The following GLI3 variants were observed in gnomAD, a reference collection of about 807,000 sequenced individuals.
The protein encoded by GLI3 is transcription activator GLI3.
Under a neutral mutation model 100.8 loss-of-function variants are expected in GLI3, and 20 were observed. The observed-to-expected ratio is 0.20, with a 90% CI of 0.14 to 0.29. GLI3 has a LOEUF of 0.29. Ranked by LOEUF, GLI3 falls within the 10% of genes least tolerant of loss-of-function variation. The pLI is 1.00. For missense variants in GLI3, 2,040 were observed against 2,128.5 expected, an observed-to-expected ratio of 0.96 and a Z score of 0.82; for synonymous variants, 938 against 860.5, an observed-to-expected ratio of 1.09 and a Z score of -1.58.
intron 3 of GLI3, among the ~76,000 whole-genome samples, chr7:42,103,728 TA>T (rs1241566992): frequency 1.7e-5 from 2 of 119,964 alleles, no homozygotes; most frequent in Non-Finnish European, 3.9e-5. Context: ...ATAAAGACAC[TA>T]AATCACCTAT....
rs1491544775 is a variant in GLI3, at chr7:42,062,710, CAG to C, written c.474-14016_474-14015del. On this transcript the variant is annotated intron_variant, in intron 4 of 14. Coordinates refer to ENST00000395925, the MANE Select transcript of GLI3 (RefSeq NM_000168.6). Reference sequence around the variant, plus strand: ...AAGGTTTATATATTATACACACACACAGACACACACACACACACACACACATT... The same window carrying C: ...AAGGTTTATATATTATACACACACACACACACACACACACACACACACATT... Among the ~76,000 whole-genome samples the C allele has an allele frequency of 3.0e-3, 335 of 111,106 alleles. 2 individuals carry two copies. Among genetic ancestry groups the C allele is most frequent in the African/African-American group, 0.013 (323 of 24,306 alleles). 72.9% of individuals were successfully genotyped at this position (111,106 alleles called of 152,430 possible).
At chr7:42,134,080 C>CAAAAA (rs11441623) in intron 3 of GLI3, among the ~76,000 whole-genome samples, 1 of 109,418 alleles carries the variant, frequency 9.1e-6, no homozygotes, top group Admixed American at 9.2e-5. Flanking sequence ...GACTCTGTCT[C>CAAAAA]AAAAAAAAAA....
chr7:42,084,355 C>A (rs1209857880), intron 3 of GLI3, among the ~76,000 whole-genome samples: 1 of 152,226 alleles, frequency 6.6e-6, no homozygotes, highest in Non-Finnish European at 1.5e-5. Flanking sequence ...TGTCCTCAGT[C>A]GTGAACCAAC....
chr7:42,182,662 A>ATATATATATATATATATGTGTGTGTG (rs1787627610), intron 2 of GLI3, among the ~76,000 whole-genome samples: 1 of 76,742 alleles, frequency 1.3e-5, no homozygotes, highest in African/African-American at 6.7e-5. Context: ...ATATATATAT[A>ATATATATATATATATATGTGTGTGTG]TATATATATA....
rs1262087818 is a variant in GLI3, at chr7:41,965,836, G to A, written c.3237C>T (p.Thr1079=). ...ITENVTLESL[T]MDADANLNDE... ...CGTTCAGGTTGGCATCAGCGTCCATGGTCAGGGACTCCAGGGTGACGTTCT... is the reference window on the plus strand; with the variant it reads ...CGTTCAGGTTGGCATCAGCGTCCATAGTCAGGGACTCCAGGGTGACGTTCT... Residue 1079 remains threonine, a synonymous_variant, in exon 15 of 15, where the codon ACC becomes ACT. Coordinates refer to ENST00000395925, the MANE Select transcript of GLI3 (RefSeq NM_000168.6). 1 of 1,613,684 alleles carries A rather than the reference G, an allele frequency of 6.2e-7. No homozygotes were observed. The highest frequency in any genetic ancestry group is 1.7e-5 in the Admixed American group (1 of 60,012).
chr7:42,188,670 G>T (rs1049698081), intron 2 of GLI3, among the ~76,000 whole-genome samples: 8 of 152,262 alleles, frequency 5.3e-5, no homozygotes, highest in Admixed American at 4.6e-4. Flanking sequence ...GTGCTGAAAT[G>T]AAATGAGCTA....
chr7:42,220,437 T>C (rs1057016312), intron 2 of GLI3, among the ~76,000 whole-genome samples: 1 of 152,122 alleles, frequency 6.6e-6, no homozygotes, highest in African/African-American at 2.4e-5. Flanking sequence ...AGCACACGAA[T>C]AGTGTCCCAA....
intron 2 of GLI3, among the ~76,000 whole-genome samples, chr7:42,221,612 G>T (rs1214340130): frequency 1.3e-5 from 2 of 152,058 alleles, no homozygotes; most frequent in Non-Finnish European, 2.9e-5. Context: ...ACCAAAAGCT[G>T]ATGTTCCTGA....
chr7:42,203,873 C>T (rs1272477872), intron 2 of GLI3, among the ~76,000 whole-genome samples: 3 of 152,084 alleles, frequency 2.0e-5, no homozygotes, highest in Non-Finnish European at 2.9e-5. Flanking sequence ...GTGGTACAAG[C>T]CTGTAATCCC....
chr7:41,965,009 T>G lies in GLI3; in HGVS notation c.4064A>C (p.Asn1355Thr). ...LGQISATSHI[N>T]IYQGPESCLP... ...GCAGCTCTCTGGCCCTTGGTAGATG[T>G]TGATGTGTGAGGTAGCACTAATCTG... Residue 1355 changes from asparagine (N) to threonine (T), a missense_variant, in exon 15 of 15, where the codon AAC (asparagine) becomes ACC (threonine). Physicochemically the swap from Asn to Thr is moderately conservative, Grantham distance 65. Around this residue, in one of 5 missense-constraint regions of GLI3, gnomAD observed 1,041 missense variants for 924.0 expected, o/e 1.13. Transcript: ENST00000395925. 1.2e-6 allele frequency: 2 copies of G among 1,613,878 alleles called. No homozygotes were observed. Among genetic ancestry groups the G allele is most frequent in the Non-Finnish European group, 8.5e-7 (1 of 1,180,008 alleles).
At chr7:41,987,109 C>G (rs1025532030) in intron 10 of GLI3, among the ~76,000 whole-genome samples, 11 of 151,080 alleles carry the variant, frequency 7.3e-5, no homozygotes, top group African/African-American at 2.4e-4. Flanking sequence ...CAGACACACA[C>G]ACACACACAC....
intron 6 of GLI3, among the ~76,000 whole-genome samples, chr7:42,044,349 T>A (rs1422859501): frequency 6.6e-6 from 1 of 152,208 alleles, no homozygotes. Context: ...TGCTTTAGGA[T>A]CACTTCAGAG....
chr7:42,131,272 C>T (rs957895751), intron 3 of GLI3, among the ~76,000 whole-genome samples: 3 of 152,146 alleles, frequency 2.0e-5, no homozygotes, highest in East Asian at 1.9e-4. Flanking sequence ...AAGAAGGGAG[C>T]TTTCCCTTAA....
chr7:42,174,100 T>C (rs1353025197), intron 2 of GLI3, among the ~76,000 whole-genome samples: 1 of 152,110 alleles, frequency 6.6e-6, no homozygotes, highest in African/African-American at 2.4e-5. Context: ...TTCCATAGGA[T>C]AAAAGACTCT....
At chr7:42,248,467 G>A (rs574447080) in intron 1 of GLI3, among the ~76,000 whole-genome samples, 31 of 152,310 alleles carry the variant, frequency 2.0e-4, no homozygotes, top group African/African-American at 6.7e-4. Flanking sequence ...GGACCTTGGG[G>A]ATTATCTTGT....
intron 10 of GLI3, among the ~76,000 whole-genome samples, chr7:42,013,349 C>T (rs1788670452): frequency 1.3e-5 from 2 of 152,050 alleles, no homozygotes; most frequent in South Asian, 4.2e-4. Context: ...CCAGGTGATG[C>T]CTGTGTGCCA....
intron 12 of GLI3, among the ~76,000 whole-genome samples, chr7:41,977,247 T>A (rs113856020): frequency 5.3e-4 from 80 of 152,340 alleles, no homozygotes; most frequent in African/African-American, 1.9e-3. Context: ...TTGGGCAGCG[T>A]GACTGGCTCA....
At chr7:42,233,792 G>A (rs181940780) in intron 1 of GLI3, among the ~76,000 whole-genome samples, 1 of 152,250 alleles carries the variant, frequency 6.6e-6, no homozygotes, top group Non-Finnish European at 1.5e-5. Context: ...AAATGACAAC[G>A]TGAAGAGAAG....
intron 10 of GLI3, among the ~76,000 whole-genome samples, chr7:42,021,458 A>G (rs1361763561): frequency 6.6e-6 from 1 of 152,220 alleles, no homozygotes; most frequent in Non-Finnish European, 1.5e-5. Flanking sequence ...AGATCTCTCT[A>G]TTAAAACATC....
Sources: gnomAD v4.1 joint callset for allele counts (sites outside exome capture counted in the v4.1 genomes callset) on GRCh38, gnomAD v4.1.1 for gene constraint, gnomAD v4.1.1 regional missense constraint, MANE v1.5 for transcripts, NCBI Gene and HGNC (gene_info 2026-07-23, HGNC 2026-07-21) for gene names.